Variants in TTN observed in about 807,000 individuals in gnomAD.
The protein encoded by TTN is connectin.
Under a neutral mutation model 3,223.0 loss-of-function variants are expected in TTN, and 1,525 were observed. That is an observed-to-expected ratio of 0.47 (90% CI 0.45 to 0.49). The LOEUF is 0.49. Among genes scored for constraint, TTN ranks in the 20% least tolerant of loss-of-function variants. The pLI, the probability that TTN is intolerant of heterozygous loss-of-function variation, is 0.00. For synonymous variants in TTN, 14,094 were observed against 15,161.0 expected (o/e 0.93, Z 5.17); for missense variants, 40,786 against 43,424.0 (o/e 0.94, Z 5.40).
chr2:178,788,762 T>C (rs1279217551), intron 13 of TTN, among the ~76,000 whole-genome samples: 1 of 152,086 alleles, frequency 6.6e-6, no homozygotes, highest in African/African-American at 2.4e-5. Context: ...TGTGTAATTG[T>C]TCTGTTTGGA....
At chr2:178,746,864 T>C in intron 47 of TTN, 1 of 1,613,514 alleles carries the variant, frequency 6.2e-7, no homozygotes. Context: ...AGGCATTTCA[T>C]TGTCTTTTGG....
At chr2:178,714,881 G>A in intron 90 of TTN, 105 bp downstream of exon 90, 1 of 1,416,802 alleles carries the variant, frequency 7.1e-7, no homozygotes, top group Non-Finnish European at 9.5e-7. Flanking sequence ...CAAAGGGAAA[G>A]TGGAATAGGC....
intron 45 of TTN, 21 bp from the exon 46 acceptor site, chr2:178,756,818 A>T: frequency 6.2e-7 from 1 of 1,600,704 alleles, no homozygotes; most frequent in South Asian, 1.1e-5. Context: ...AAGTGACAAG[A>T]AAAAGAAAAG....
rs1210014059 is a variant in TTN at position 178,621,003 on chromosome 2, A to G, written c.45617-10T>C. 5.6e-6 allele frequency: 9 copies of G among 1,607,684 alleles called. No individual in the cohort carries two copies. The highest frequency in any genetic ancestry group is 7.6e-6 in the Non-Finnish European group (9 of 1,178,064). ...ACGATCCTGAGTTTTTCTGAAAGCA[A>G]CCGACAAGACTTTATAGTATGAATA... On this transcript the variant is annotated splice_polypyrimidine_tract_variant and intron_variant, in intron 246 of 362. Transcript: ENST00000589042.
intron 98 of TTN, 31 bp from the exon 99 acceptor site, chr2:178,709,887 G>A: frequency 6.4e-7 from 1 of 1,559,250 alleles, no homozygotes; most frequent in Non-Finnish European, 8.7e-7. Flanking sequence ...ATATGAAGTA[G>A]AAGCTAGAAG....
rs1039373351 is a variant in TTN at position 178,572,557 on chromosome 2, A to C, written c.73575T>G (p.Asp24525Glu). The C allele has an allele frequency of 1.9e-6, 3 of 1,613,454 alleles. No homozygotes were observed. The highest frequency in any genetic ancestry group is 3.3e-5 in the Admixed American group (2 of 59,986). Residue 24525 changes from aspartate to glutamate, a missense_variant, in exon 326 of 363, where the codon GAT becomes GAG. Coordinates refer to ENST00000589042, the MANE Select transcript of TTN (RefSeq NM_001267550.2). ...RVLDTPGPPQ[D>E]LKVKEVTKTS... is the part of the protein sequence containing the mutation. ...TCTTAGTGACCTCTTTTACCTTCAG[A>C]TCCTGTGGGGGGCCTGGTGTATCGA... is the stretch of plus-strand genomic sequence containing the variant.
rs753921516 is a variant in TTN at position 178,706,592 on chromosome 2, G to C, written c.29282C>G (p.Thr9761Ser). The change falls in exon 102 of 363, where the codon ACC (threonine) becomes AGC (serine). Residue 9761 changes from threonine to serine, a missense_variant. By Grantham distance (58) the Thr-to-Ser change is moderately conservative. Transcript: ENST00000589042. ...GTATAACCCAGAATCAGTTTTTGTG[G>C]TGTCCCTAATCTCCAGTTTTGCTTC... ...GDEAKLEIRD[T>S]TKTDSGLYRC... The C allele has an allele frequency of 1.2e-6, 2 of 1,613,814 alleles. No individual in the cohort carries two copies. Among genetic ancestry groups the C allele is most frequent in the East Asian group, 2.2e-5 (1 of 44,868 alleles).
In TTN at chr2:178,693,930, G is replaced by A. The variant is rs768632287; in HGVS notation, c.31505C>T (p.Ser10502Leu). 131 of 1,612,642 alleles carry A rather than the reference G, an allele frequency of 8.1e-5. No individual in the cohort carries two copies. In the South Asian group the frequency reaches 1.4e-3, roughly 17 times the overall value. The change falls in exon 118 of 363, where the codon TCA becomes TTA. Residue 10502 changes from serine (S) to leucine (L), a missense_variant. Coordinates refer to ENST00000589042, the MANE Select transcript of TTN (RefSeq NM_001267550.2). ...TCCAGTTTGCCTTATACCTGTGACT[G>A]ACACCTCCTCCTCTGTGTGAGAAGC... ...FFASHTEEEVSVTVPEVQKEI... is the reference protein window; with the variant it reads ...FFASHTEEEVLVTVPEVQKEI...
At chr2:178,578,333 G>A in intron 321 of TTN, 148 bp from the exon 322 acceptor site, 1 of 784,776 alleles carries the variant, frequency 1.3e-6, no homozygotes, top group Non-Finnish European at 1.9e-6. Context: ...CAAGCATAGT[G>A]CCATTTTTTT....
rs2154195469 is a variant in TTN at position 178,605,308 on chromosome 2, G to C, written c.53882-13C>G. On this transcript the variant is annotated splice_polypyrimidine_tract_variant and intron_variant, in intron 279 of 362. Coordinates refer to ENST00000589042, the MANE Select transcript of TTN (RefSeq NM_001267550.2). ...ATAGTTGGAGGCACTGCAAAGAGAA[G>C]AGAAAGAAAAACAGTAACAAAGTCA... 6.5e-7 allele frequency: 1 copy of C among 1,549,590 alleles called. No individual in the cohort carries two copies. The highest frequency in any genetic ancestry group is 1.4e-5 in the African/African-American group (1 of 72,536).
intron 233 of TTN, 58 bp from the exon 234 acceptor site, chr2:178,633,102 C>T (rs1466352246): frequency 1.3e-6 from 2 of 1,599,768 alleles, no homozygotes; most frequent in Admixed American, 1.7e-5. Flanking sequence ...GTTATTCCTA[C>T]AAATCATCAA....
Position 178,764,304 on chromosome 2 carries a change from TA to T in TTN, c.9989-3del. ...GATCAGGAGACACAACTTCTGGAAC[TA>T]AAGAAAGAAACCACAAGATTTGTCA... On this transcript the variant is annotated splice_polypyrimidine_tract_variant and splice_region_variant and intron_variant, in intron 42 of 362. Coordinates refer to ENST00000589042, the MANE Select transcript of TTN (RefSeq NM_001267550.2). 6.2e-7 allele frequency: 1 copy of T among 1,613,856 alleles called. No homozygotes were observed. Among genetic ancestry groups the T allele is most frequent in the East Asian group, 2.2e-5 (1 of 44,772 alleles).
rs368101663 is a variant in TTN at position 178,800,605 on chromosome 2, C to A, written c.373G>T (p.Val125Leu). Residue 125 changes from valine (V) to leucine (L), a missense_variant, in exon 4 of 363, where the codon GTG (valine) becomes TTG (leucine). Physicochemically the swap from Val to Leu is conservative, Grantham distance 32. Transcript: ENST00000589042. ...VRQGSQVRLQ[V>L]RVTGIPTPVV... ...GGTGTAGGGATTCCAGTCACTCTCA[C>A]TTGGAGTCTCACTTGGCTTCCTTGT... The A allele has an allele frequency of 1.2e-6, 2 of 1,613,350 alleles. No individual in the cohort carries two copies. Among genetic ancestry groups the A allele is most frequent in the African/African-American group, 2.7e-5 (2 of 74,914 alleles).
intron 238 of TTN, 132 bp from the exon 239 acceptor site, chr2:178,630,499 T>G: frequency 1.6e-6 from 2 of 1,225,552 alleles, no homozygotes; most frequent in South Asian, 3.0e-5. Context: ...TTTGAGCTCT[T>G]TTTTTAGGAA....
At chr2:178,799,193 G>A (rs909459210) in intron 6 of TTN, 3 of 399,402 alleles carry the variant, frequency 7.5e-6, no homozygotes, top group East Asian at 1.1e-4. Flanking sequence ...CTGCCTTCCC[G>A]CCCAAATGTT....
Position 178,528,813 on chromosome 2 carries a change from G to A in TTN, c.106938C>T (p.Thr35646=). The A allele has an allele frequency of 6.2e-7, 1 of 1,613,748 alleles. No individual in the cohort carries two copies. The highest frequency in any genetic ancestry group is 8.5e-7 in the Non-Finnish European group (1 of 1,179,782). The change falls in exon 360 of 363, where the codon ACC becomes ACT. Residue 35646 remains threonine (T), a synonymous_variant. Coordinates refer to ENST00000589042, the MANE Select transcript of TTN (RefSeq NM_001267550.2). ...VKWVLNGVEL[T]NSEEYRYGVS... ...CACCATATCGGTACTCCTCAGAGTT[G>A]GTAAGCTCTACGCCATTCAGTACCC...
At chr2:178,746,706 C>G in intron 47 of TTN, 1 of 1,613,390 alleles carries the variant, frequency 6.2e-7, no homozygotes, top group Non-Finnish European at 8.5e-7. Flanking sequence ...CCCACTCTTT[C>G]CATTTTGATT....
At chr2:178,731,246 G>C (rs775848757) in intron 59 of TTN, 43 bp from the exon 60 acceptor site, 2 of 1,610,412 alleles carry the variant, frequency 1.2e-6, no homozygotes, top group South Asian at 2.2e-5. Context: ...GCATTACCCT[G>C]CTGAAAGGCT....
intron 340 of TTN, 23 bp from the exon 341 acceptor site, chr2:178,546,928 G>A (rs1160531169): frequency 6.4e-7 from 1 of 1,574,794 alleles, no homozygotes; most frequent in African/African-American, 1.4e-5. Context: ...CAAAAATAAG[G>A]TTAAAATATA....
Sources: gnomAD v4.1 joint callset for allele counts (sites outside exome capture counted in the v4.1 genomes callset) on GRCh38, gnomAD v4.1.1 for gene constraint, MANE v1.5 for transcripts, NCBI Gene and HGNC (gene_info 2026-07-23, HGNC 2026-07-21) for gene names.